The following SLC35F4 variants were observed in gnomAD, a reference collection of about 807,000 sequenced individuals.
SLC35F4 encodes the protein chromosome 14 open reading frame 36.
In SLC35F4, 24 loss-of-function variants were observed where a neutral mutation model predicts 44.2. The observed-to-expected ratio is 0.54, with a 90% confidence interval of 0.39 to 0.76. The LOEUF is 0.76. Among genes scored for constraint, SLC35F4 ranks in the 30% least tolerant of loss-of-function variants. SLC35F4 has a pLI of 0.00. For missense variants in SLC35F4, 562 were observed against 586.1 expected (o/e 0.96, Z 0.42); for synonymous variants, 238 against 223.6 (o/e 1.06, Z -0.57).
intron 1 of SLC35F4, among the ~76,000 whole-genome samples, chr14:57,651,351 TGAG>T (rs746567007): frequency 5.9e-5 from 9 of 152,168 alleles, no homozygotes; most frequent in Non-Finnish European, 8.8e-5. Flanking sequence ...CCAAGAATTC[TGAG>T]AAGTGAGTCA....
intron 1 of SLC35F4, among the ~76,000 whole-genome samples, chr14:57,633,588 A>G (rs1421180616): frequency 1.3e-5 from 2 of 152,132 alleles, no homozygotes; most frequent in African/African-American, 4.8e-5. Flanking sequence ...CCCTTCACCC[A>G]GCATTTTACC....
intron 1 of SLC35F4, among the ~76,000 whole-genome samples, chr14:57,825,431 G>A (rs1883631895): frequency 6.6e-6 from 1 of 152,116 alleles, no homozygotes; most frequent in African/African-American, 2.4e-5. Flanking sequence ...CTGGGTATAT[G>A]TCTTTCAAAA....
At chr14:57,916,829 A>G in intron 1 of SLC35F4, among the ~76,000 whole-genome samples, 1 of 152,324 alleles carries the variant, frequency 6.6e-6, no homozygotes, top group East Asian at 1.9e-4. Flanking sequence ...AAAAGTTGAA[A>G]TTATTTTAAA....
intron 1 of SLC35F4, among the ~76,000 whole-genome samples, chr14:57,923,711 G>A (rs1404333909): frequency 6.6e-6 from 1 of 152,170 alleles, no homozygotes; most frequent in African/African-American, 2.4e-5. Context: ...TCTTTAGAAA[G>A]GATCTTCCCT....
At chr14:57,969,541 C>G (rs558968425) in intron 1 of SLC35F4, among the ~76,000 whole-genome samples, 2 of 152,124 alleles carry the variant, frequency 1.3e-5, no homozygotes, top group African/African-American at 4.8e-5. Flanking sequence ...TGTCTATTCT[C>G]TATACATATA....
chr14:57,592,564 A>G (rs2070256883), intron 2 of SLC35F4, among the ~76,000 whole-genome samples: 1 of 151,378 alleles, frequency 6.6e-6, no homozygotes, highest in South Asian at 2.1e-4. Context: ...TTGTTTTGCA[A>G]ACAACTGGGG....
rs570267434 is a variant in SLC35F4 at position 57,937,153 on chromosome 14, C to T, written n.282+44760G>A. Among the ~76,000 whole-genome samples the T allele has an allele frequency of 4.1e-3, 616 of 151,964 alleles. 1 individual carries two copies. The highest frequency in any genetic ancestry group is 0.014 in the African/African-American group (564 of 41,444). On this transcript the variant is annotated intron_variant and non_coding_transcript_variant, in intron 1 of 1. Transcript: ENST00000556568. The stretch of plus-strand genomic sequence containing the variant: ...CGCTATCTCGGCTCACGGCAACCTC[C>T]GCTTCCCAGGTTCAAGCAATTCTCC...
At chr14:57,619,790 C>T (rs1351108882) in intron 1 of SLC35F4, among the ~76,000 whole-genome samples, 1 of 151,820 alleles carries the variant, frequency 6.6e-6, no homozygotes, top group Non-Finnish European at 1.5e-5. Context: ...AGCTAAGAAC[C>T]CTGAAAAAAG....
chr14:57,671,702 A>G (rs1406301441), intron 1 of SLC35F4, among the ~76,000 whole-genome samples: 1 of 152,024 alleles, frequency 6.6e-6, no homozygotes, highest in Admixed American at 6.6e-5. Context: ...TGAAAAAAGC[A>G]GAGGGAAAAG....
At chr14:57,930,560 GCCAGCTTATTGGGAAAA>G (rs1189621891) in intron 1 of SLC35F4, among the ~76,000 whole-genome samples, 2 of 152,122 alleles carry the variant, frequency 1.3e-5, no homozygotes, top group Non-Finnish European at 2.9e-5. Flanking sequence ...TAAGAGGGTA[GCCAGCTTATTGGGAAAA>G]CCCAGATAAA....
intron 1 of SLC35F4, among the ~76,000 whole-genome samples, chr14:57,892,721 T>A (rs1888795915): frequency 6.6e-6 from 1 of 152,126 alleles, no homozygotes; most frequent in South Asian, 2.1e-4. Flanking sequence ...AGAGGTAAAA[T>A]CCACAATTGG....
intron 1 of SLC35F4, among the ~76,000 whole-genome samples, chr14:57,627,477 G>A (rs2072533129): frequency 6.7e-6 from 1 of 149,910 alleles, no homozygotes; most frequent in Non-Finnish European, 1.5e-5. Flanking sequence ...AATTGCTTAT[G>A]GAATTATACT....
At chr14:57,630,318 A>G (rs1331184355) in intron 1 of SLC35F4, 1 of 577,630 alleles carries the variant, frequency 1.7e-6, no homozygotes, top group Non-Finnish European at 3.2e-6. Flanking sequence ...CAACTATAGA[A>G]GGTCGTATAG....
At chr14:57,586,091 C>T (rs1386997217) in intron 3 of SLC35F4, among the ~76,000 whole-genome samples, 1 of 152,138 alleles carries the variant, frequency 6.6e-6, no homozygotes, top group African/African-American at 2.4e-5. Flanking sequence ...TACAAGGCTA[C>T]AGTAACCAAA....
rs1310216346 is a variant in SLC35F4, at chr14:57,954,445, G to C, written n.282+27468C>G. ...AATCAGAGTAGAACTGAAGGGGATA[G>C]AGACACATAAAACCCTTCAAAAAAT... On this transcript the variant is annotated intron_variant and non_coding_transcript_variant, in intron 1 of 1. Coordinates refer to the SLC35F4 transcript ENST00000556568. Among the ~76,000 whole-genome samples the C allele has an allele frequency of 5.3e-5, 8 of 152,128 alleles. No homozygotes were observed. In the East Asian group the frequency reaches 1.5e-3, roughly 29 times the overall value.
At chr14:57,687,513 G>A (rs2075102238) in intron 1 of SLC35F4, among the ~76,000 whole-genome samples, 1 of 152,156 alleles carries the variant, frequency 6.6e-6, no homozygotes, top group South Asian at 2.1e-4. Context: ...ATCTTTTAGA[G>A]CAAATGAGCT....
At position 57,708,826 on chromosome 14, in the gene SLC35F4, T is replaced by C. The variant is rs148065923; in HGVS notation, c.104-114702A>G. ...TGGGTAGGGTAAAGAGTGTGAGCCA[T>C]CTCCAATGATAGGTAAGGTCATGTG... On this transcript the variant is annotated intron_variant, in intron 1 of 7. Transcript: ENST00000556826. Among the ~76,000 whole-genome samples, 306 of 151,916 alleles carry C rather than the reference T, an allele frequency of 2.0e-3. 2 individuals carry two copies. The highest frequency in any genetic ancestry group is 3.6e-3 in the Admixed American group (55 of 15,234).
chr14:57,581,102 C>A, intron 4 of SLC35F4, 112 bp downstream of exon 4: 2 of 1,155,438 alleles, frequency 1.7e-6, no homozygotes, highest in Non-Finnish European at 2.3e-6. Context: ...GTACTCAGAA[C>A]AAGTGAGAAA....
intron 1 of SLC35F4, among the ~76,000 whole-genome samples, chr14:57,850,963 G>A (rs945944021): frequency 3.3e-5 from 5 of 152,124 alleles, no homozygotes; most frequent in African/African-American, 1.2e-4. Flanking sequence ...CAGGAAATCT[G>A]GCATTTCTTG....
Sources: allele counts gnomAD v4.1 joint callset (sites outside exome capture counted in the v4.1 genomes callset), GRCh38; gene constraint gnomAD v4.1.1; transcripts MANE v1.5; gene names NCBI Gene and HGNC (gene_info 2026-07-23, HGNC 2026-07-21).